PTPRZ1: variants seen among roughly 807,000 people sequenced by gnomAD.
The protein encoded by PTPRZ1 is receptor-type tyrosine-protein phosphatase zeta.
In PTPRZ1, 82 loss-of-function variants were observed where a neutral mutation model predicts 214.1. That is an observed-to-expected ratio of 0.38 (90% CI 0.32 to 0.46). PTPRZ1 has a LOEUF of 0.46. PTPRZ1 is among the 20% of genes least tolerant of loss of function. The probability of loss-of-function intolerance (pLI) is 1.00; values close to 1 mark genes in which losing one functional copy is unlikely to be tolerated. For synonymous variants in PTPRZ1, 945 were observed against 987.9 expected, an observed-to-expected ratio of 0.96 and a Z score of 0.81; for missense variants, 2,603 against 2,748.7, an observed-to-expected ratio of 0.95 and a Z score of 1.19.
chr7:122,057,377 A>T (rs73224307), intron 27 of PTPRZ1, among the ~76,000 whole-genome samples: 4,526 of 151,896 alleles, frequency 0.03, 101 homozygotes, highest in Non-Finnish European at 0.048. Context: ...TTACATAATT[A>T]TTTACATAAA....
intron 2 of PTPRZ1, among the ~76,000 whole-genome samples, chr7:121,950,152 A>C (rs1796508077): frequency 6.6e-6 from 1 of 152,008 alleles, no homozygotes; most frequent in South Asian, 2.1e-4. Flanking sequence ...AAAAAATGAG[A>C]GAGCTTGTGC....
chr7:122,042,191 T>C (rs1448549838), intron 21 of PTPRZ1, among the ~76,000 whole-genome samples: 1 of 152,190 alleles, frequency 6.6e-6, no homozygotes, highest in South Asian at 2.1e-4. Context: ...CATGTCTACC[T>C]GGAAACATAG....
rs374475147 is a variant in PTPRZ1 at position 121,928,228 on chromosome 7, A to G, written c.124+7A>G. On this transcript the variant is annotated splice_region_variant and intron_variant, in intron 2 of 29. Transcript: ENST00000393386. ...ATTGGCTGGTCCTATACAGGTAAAC[A>G]TATTACTTATATAATGAGATTTAGC... 3.8e-6 allele frequency: 6 copies of G among 1,576,006 alleles called. No individual in the cohort carries two copies. Among genetic ancestry groups the G allele is most frequent in the Non-Finnish European group, 5.2e-6 (6 of 1,152,366 alleles).
At chr7:121,899,095 G>T (rs947466734) in intron 1 of PTPRZ1, among the ~76,000 whole-genome samples, 1 of 151,942 alleles carries the variant, frequency 6.6e-6, no homozygotes, top group Non-Finnish European at 1.5e-5. Context: ...TATTATTCAA[G>T]TCCCAGGACA....
chr7:121,925,148 AT>A (rs1006053200), intron 1 of PTPRZ1, among the ~76,000 whole-genome samples: 1 of 152,164 alleles, frequency 6.6e-6, no homozygotes, highest in African/African-American at 2.4e-5. Context: ...CAAACCACTT[AT>A]GTTTTTTGGC....
intron 10 of PTPRZ1, among the ~76,000 whole-genome samples, chr7:122,001,666 A>G (rs929389487): frequency 6.6e-6 from 1 of 152,240 alleles, no homozygotes; most frequent in African/African-American, 2.4e-5. Context: ...AAACAATTAA[A>G]TAAGCCTTGC....
intron 10 of PTPRZ1, among the ~76,000 whole-genome samples, chr7:122,001,701 T>A (rs545360858): frequency 6.6e-6 from 1 of 152,332 alleles, no homozygotes; most frequent in African/African-American, 2.4e-5. Flanking sequence ...CAGTGTTGCT[T>A]TTTTGTGTTA....
intron 1 of PTPRZ1, among the ~76,000 whole-genome samples, chr7:121,912,579 T>C (rs1795311160): frequency 6.6e-6 from 1 of 151,984 alleles, no homozygotes; most frequent in East Asian, 1.9e-4. Flanking sequence ...AAGAAGCGGG[T>C]GAGACTAAGG....
chr7:121,873,538 C>A lies in PTPRZ1; in HGVS notation c.39C>A (p.Leu13=), dbSNP rs1793950360. The A allele has an allele frequency of 1.9e-6, 3 of 1,613,842 alleles. No individual in the cohort carries two copies. Among genetic ancestry groups the A allele is most frequent in the African/African-American group, 2.7e-5 (2 of 74,944 alleles). ...ILKRFLACIQ[L]LCVCRLDWAN... ...AGCGTTTCCTCGCTTGCATTCAGCTCCTCTGTGTTTGCCGCCTGGGTGAGT... is the reference window on the plus strand; with the variant it reads ...AGCGTTTCCTCGCTTGCATTCAGCTACTCTGTGTTTGCCGCCTGGGTGAGT... The change falls in exon 1 of 30, where the codon CTC becomes CTA. Residue 13 remains leucine, a synonymous_variant. Coordinates refer to ENST00000393386, the MANE Select transcript of PTPRZ1 (RefSeq NM_002851.3).
intron 1 of PTPRZ1, among the ~76,000 whole-genome samples, chr7:121,892,136 G>T (rs1280014251): frequency 6.6e-6 from 1 of 152,200 alleles, no homozygotes; most frequent in Admixed American, 6.5e-5. Context: ...AGCATTTGGG[G>T]TTGGGCTGTT....
rs1052504157 is a variant in PTPRZ1, at chr7:122,010,450, T to C, written c.1404T>C (p.Asn468=). 9.9e-6 allele frequency: 16 copies of C among 1,613,878 alleles called. No individual in the cohort carries two copies. The highest frequency in any genetic ancestry group is 1.4e-5 in the Non-Finnish European group (16 of 1,179,932). ...AGATTTCTACCACAACACACTACAATCGCATAGGGACGAAATACAATGAAG... is the reference window on the plus strand; with the variant it reads ...AGATTTCTACCACAACACACTACAACCGCATAGGGACGAAATACAATGAAG... The part of the protein sequence containing the change: ...EPQISTTTHY[N]RIGTKYNEAK... The change falls in exon 12 of 30, where the codon AAT becomes AAC. Residue 468 remains asparagine, a synonymous_variant. Transcript: ENST00000393386.
chr7:121,893,813 T>C (rs1794708734), intron 1 of PTPRZ1, among the ~76,000 whole-genome samples: 2 of 152,192 alleles, frequency 1.3e-5, no homozygotes, highest in South Asian at 4.1e-4. Context: ...CAAGATTTCC[T>C]AAATATTTAT....
At position 121,972,633 on chromosome 7, in the gene PTPRZ1, TGCAATA is replaced by T; in HGVS notation, c.398_403del (p.Cys133_Met135delinsLeu). ...CAAGATAACTTTTCACTGGGGAAAA[TGCAATA>T]TGTCATCTGATGGATCAGAGCATAG... On this transcript the variant is annotated inframe_deletion, in exon 4 of 30. Coordinates refer to ENST00000393386, the MANE Select transcript of PTPRZ1 (RefSeq NM_002851.3). The T allele has an allele frequency of 6.2e-7, 1 of 1,613,542 alleles. No homozygotes were observed. The highest frequency in any genetic ancestry group is 1.1e-5 in the South Asian group (1 of 91,000).
intron 10 of PTPRZ1, among the ~76,000 whole-genome samples, chr7:122,002,541 G>C (rs1362951285): frequency 1.3e-5 from 2 of 152,084 alleles, no homozygotes; most frequent in African/African-American, 4.8e-5. Context: ...CCTATAGTTA[G>C]TTGATGCTCT....
intron 2 of PTPRZ1, among the ~76,000 whole-genome samples, chr7:121,950,988 A>G (rs985576306): frequency 6.6e-6 from 1 of 152,208 alleles, no homozygotes; most frequent in African/African-American, 2.4e-5. Context: ...ACTAAGTCAT[A>G]AAATATAATT....
At chr7:121,993,590 A>C (rs1356331258) in intron 8 of PTPRZ1, among the ~76,000 whole-genome samples, 3 of 151,434 alleles carry the variant, frequency 2.0e-5, no homozygotes, top group East Asian at 1.9e-4. Flanking sequence ...AAAAAAAAAA[A>C]AAAACACAAA....
At chr7:121,964,034 G>A (rs1314803395) in intron 2 of PTPRZ1, among the ~76,000 whole-genome samples, 2 of 152,226 alleles carry the variant, frequency 1.3e-5, no homozygotes, top group East Asian at 1.9e-4. Context: ...ACAATCAAAT[G>A]AGACCTACAG....
chr7:121,967,525 C>T (rs1409765773), intron 2 of PTPRZ1, among the ~76,000 whole-genome samples: 1 of 152,176 alleles, frequency 6.6e-6, no homozygotes, highest in Non-Finnish European at 1.5e-5. Flanking sequence ...AACTACCTTA[C>T]AGGACAATTA....
chr7:121,925,390 G>A (rs1232706654), intron 1 of PTPRZ1, among the ~76,000 whole-genome samples: 1 of 152,102 alleles, frequency 6.6e-6, no homozygotes, highest in Admixed American at 6.6e-5. Flanking sequence ...TTTGTAAGTA[G>A]AAAGTGAAAC....
Sources: allele counts gnomAD v4.1 joint callset (sites outside exome capture counted in the v4.1 genomes callset), GRCh38; gene constraint gnomAD v4.1.1; transcripts MANE v1.5; gene names NCBI Gene and HGNC (gene_info 2026-07-23, HGNC 2026-07-21).